Variants in SNX30 observed in about 807,000 individuals in gnomAD.
The protein encoded by SNX30 is sorting nexin-30.
Under a neutral mutation model 46.4 loss-of-function variants are expected in SNX30, and 24 were observed. The ratio of observed to expected loss-of-function variants is 0.52; its 90% CI spans 0.37 to 0.73. The LOEUF is 0.73. Among genes scored for constraint, SNX30 ranks in the 30% least tolerant of loss-of-function variants. SNX30 has a pLI of 0.00. For synonymous variants in SNX30, 189 were observed against 211.5 expected, an observed-to-expected ratio of 0.89 and a Z score of 0.92; for missense variants, 533 against 555.7, an observed-to-expected ratio of 0.96 and a Z score of 0.41.
chr9:112,826,411 G>A (rs1235632252), intron 3 of SNX30, among the ~76,000 whole-genome samples: 1 of 152,126 alleles, frequency 6.6e-6, no homozygotes, highest in East Asian at 1.9e-4. Context: ...GAGCCAGGAA[G>A]GACAAGGGAG....
intron 1 of SNX30, among the ~76,000 whole-genome samples, chr9:112,770,532 A>C (rs1311920152): frequency 6.6e-6 from 1 of 151,486 alleles, no homozygotes; most frequent in East Asian, 1.9e-4. Context: ...TTCCCCTCAA[A>C]TCCTCCATGG....
At chr9:112,841,745 G>C (rs1446186431) in intron 6 of SNX30, among the ~76,000 whole-genome samples, 1 of 152,252 alleles carries the variant, frequency 6.6e-6, no homozygotes, top group African/African-American at 2.4e-5. Context: ...GAGAATGATA[G>C]ATGTCTTAAG....
At chr9:112,836,869 C>A (rs1220345041) in intron 5 of SNX30, among the ~76,000 whole-genome samples, 1 of 152,202 alleles carries the variant, frequency 6.6e-6, no homozygotes, top group African/African-American at 2.4e-5. Flanking sequence ...TCACCCACCC[C>A]ACCGTGGTTC....
Position 112,874,470 on chromosome 9 carries a change from TCCACA to T in SNX30, c.*5628_*5632del, listed in dbSNP as rs1841492469. The T allele has an allele frequency of 6.6e-6, 1 of 152,266 alleles. No individual in the cohort carries two copies. The highest frequency in any genetic ancestry group is 1.5e-5 in the Non-Finnish European group (1 of 68,044). The allele number at this position is 152,266 out of a possible 1,614,324, so 9.4% of individuals were successfully genotyped here. On this transcript the variant is annotated 3_prime_UTR_variant, in exon 9 of 9. Transcript: ENST00000374232. ...ATTAAAAACTTCGGCTTTGGACATG[TCCACA>T]TTATGGACTGTCATCTTATTTTTAA...
chr9:112,829,747 C>A (rs776613936), intron 3 of SNX30, among the ~76,000 whole-genome samples: 1 of 152,178 alleles, frequency 6.6e-6, no homozygotes, highest in Non-Finnish European at 1.5e-5. Context: ...CACATCCTCA[C>A]CAACACTTGT....
intron 1 of SNX30, among the ~76,000 whole-genome samples, chr9:112,762,858 G>A (rs1327123264): frequency 6.6e-6 from 1 of 152,260 alleles, no homozygotes; most frequent in African/African-American, 2.4e-5. Context: ...GGAGGAAGCC[G>A]CTGGGAGCCA....
At chr9:112,833,059 C>T (rs1840693940) in intron 4 of SNX30, among the ~76,000 whole-genome samples, 1 of 151,786 alleles carries the variant, frequency 6.6e-6, no homozygotes, top group Non-Finnish European at 1.5e-5. Context: ...TAAAATACAC[C>T]TAACATTTAC....
At chr9:112,759,107 C>T (rs980625632) in intron 1 of SNX30, among the ~76,000 whole-genome samples, 7 of 152,092 alleles carry the variant, frequency 4.6e-5, no homozygotes, top group African/African-American at 1.4e-4. Context: ...CTCAAGTGAT[C>T]TTCCTGCCTC....
Position 112,829,406 on chromosome 9 carries a change from G to A in SNX30, c.460-1319G>A, listed in dbSNP as rs115946859. Among the ~76,000 whole-genome samples, 302 of 152,212 alleles carry A rather than the reference G, an allele frequency of 2.0e-3. 1 individual carries two copies. The highest frequency in any genetic ancestry group is 7.1e-3 in the African/African-American group (296 of 41,522). ...CCCACCTCAGCCTCCTGAATAGTTG[G>A]GACTATAGGTGCAAGCCACCATGCC... is the stretch of plus-strand genomic sequence containing the variant. On this transcript the variant is annotated intron_variant, in intron 3 of 8. Transcript: ENST00000374232.
chr9:112,754,406 C>CTTTTTT (rs755479504), intron 1 of SNX30, among the ~76,000 whole-genome samples: 14 of 113,024 alleles, frequency 1.2e-4, no homozygotes, highest in South Asian at 2.8e-4. Flanking sequence ...CTCACTGGGC[C>CTTTTTT]TTTTTTTTTT....
intron 8 of SNX30, among the ~76,000 whole-genome samples, chr9:112,865,164 A>G (rs1318545444): frequency 4.5e-5 from 5 of 110,684 alleles, no homozygotes; most frequent in African/African-American, 1.8e-4. Flanking sequence ...CCCCACACAC[A>G]ACCCCCCCAC....
intron 7 of SNX30, among the ~76,000 whole-genome samples, chr9:112,853,695 G>A (rs781684140): frequency 6.6e-6 from 1 of 151,716 alleles, no homozygotes; most frequent in South Asian, 2.1e-4. Flanking sequence ...AGAGTAGAAC[G>A]GTGGTTGCCG....
intron 8 of SNX30, among the ~76,000 whole-genome samples, chr9:112,864,988 T>C (rs4979172): frequency 0.88 from 132,996 of 150,604 alleles, 58,833 homozygotes; most frequent in South Asian, 0.92. Flanking sequence ...CACATGCGCG[T>C]GCACACACAC....
chr9:112,780,400 G>A (rs1359578162), intron 1 of SNX30, among the ~76,000 whole-genome samples: 2 of 152,098 alleles, frequency 1.3e-5, no homozygotes, highest in South Asian at 2.1e-4. Context: ...ATTTTACTAC[G>A]GTTAAAAAAG....
At chr9:112,857,923 G>A (rs1048327490) in intron 7 of SNX30, among the ~76,000 whole-genome samples, 25 of 152,216 alleles carry the variant, frequency 1.6e-4, no homozygotes, top group African/African-American at 3.4e-4. Flanking sequence ...TTACTGTCCC[G>A]TTCCCCAGCA....
At chr9:112,787,385 G>A (rs934936768) in intron 1 of SNX30, among the ~76,000 whole-genome samples, 1 of 152,128 alleles carries the variant, frequency 6.6e-6, no homozygotes, top group African/African-American at 2.4e-5. Context: ...ACATCCTCTT[G>A]TGTTCATTTT....
chr9:112,885,622 T>C (rs1028191453), downstream of SNX30: 1 of 152,142 alleles, frequency 6.6e-6, no homozygotes, highest in Non-Finnish European at 1.5e-5. Context: ...AATCTAGATG[T>C]ACTGTAAGTG....
At chr9:112,781,233 T>A (rs1839841734) in intron 1 of SNX30, among the ~76,000 whole-genome samples, 1 of 152,224 alleles carries the variant, frequency 6.6e-6, no homozygotes, top group Non-Finnish European at 1.5e-5. Context: ...ATGCTATTGA[T>A]GATGAATGAT....
Position 112,868,973 on chromosome 9 carries a change from T to C in SNX30, c.*130T>C, listed in dbSNP as rs1841403666. On this transcript the variant is annotated 3_prime_UTR_variant, in exon 9 of 9. Transcript: ENST00000374232. ...GAAACATCTCTCCTTTGTGTATTTT[T>C]CCCTCCCCCACCTTTCACCCCACAG... The C allele has an allele frequency of 1.1e-6, 1 of 898,352 alleles. No individual in the cohort carries two copies. Among genetic ancestry groups the C allele is most frequent in the Non-Finnish European group, 1.8e-6 (1 of 552,772 alleles). 55.6% of individuals were successfully genotyped at this position (898,352 alleles called of 1,614,324 possible).
Sources: allele counts gnomAD v4.1 joint callset (sites outside exome capture counted in the v4.1 genomes callset), GRCh38; gene constraint gnomAD v4.1.1; transcripts MANE v1.5; gene names NCBI Gene and HGNC (gene_info 2026-07-23, HGNC 2026-07-21).